The following KIF3A variants were observed in gnomAD, a reference collection of about 807,000 sequenced individuals.
The protein encoded by KIF3A is kinesin family member 3A.
A neutral mutation model predicts 92.6 loss-of-function variants in KIF3A; 27 were observed. The ratio of observed to expected loss-of-function variants is 0.29; its 90% CI spans 0.21 to 0.40. The LOEUF (loss-of-function observed/expected upper bound fraction) is 0.40, where lower values mean the gene tolerates loss of function less well. Ranked by LOEUF, KIF3A falls within the 10% of genes least tolerant of loss-of-function variation. The probability of loss-of-function intolerance (pLI) is 1.00; values close to 1 mark genes in which losing one functional copy is unlikely to be tolerated. For missense variants in KIF3A, 581 were observed against 872.6 expected, an observed-to-expected ratio of 0.67 and a Z score of 4.21; for synonymous variants, 250 against 275.4, an observed-to-expected ratio of 0.91 and a Z score of 0.92.
downstream of KIF3A, chr5:132,689,911 A>G (rs1752623046): frequency 6.6e-6 from 1 of 152,236 alleles, no homozygotes; most frequent in African/African-American, 2.4e-5. Context: ...ACCCCTACAA[A>G]AAACACATTT....
chr5:132,697,113 C>T (rs1430307949), intron 18 of KIF3A, among the ~76,000 whole-genome samples: 1 of 152,206 alleles, frequency 6.6e-6, no homozygotes, highest in Non-Finnish European at 1.5e-5. Context: ...GGAAATGCTA[C>T]ATTAATGTAT....
chr5:132,734,077 G>A (rs549229390), intron 2 of KIF3A, 128 bp downstream of exon 2: 2 of 768,908 alleles, frequency 2.6e-6, no homozygotes, highest in South Asian at 3.9e-5. Context: ...AAGCTGGATT[G>A]TGATGATGGT....
chr5:132,718,405 G>A (rs1753708319), intron 5 of KIF3A, among the ~76,000 whole-genome samples: 1 of 152,100 alleles, frequency 6.6e-6, no homozygotes, highest in South Asian at 2.1e-4. Context: ...CACCTCCCAG[G>A]TTCAAGTGAT....
At chr5:132,716,066 A>C in intron 7 of KIF3A, 135 bp from the exon 8 acceptor site, 1 of 844,068 alleles carries the variant, frequency 1.2e-6, no homozygotes, top group South Asian at 1.8e-5. Flanking sequence ...AGTGTCAACC[A>C]CATGAGTTTC....
rs200925076 is a variant in KIF3A, at chr5:132,698,729, AT to A, written c.2132+441del. Among the ~76,000 whole-genome samples, 1,125 of 132,128 alleles carry A rather than the reference AT, an allele frequency of 8.5e-3. 7 individuals carry two copies. The highest frequency in any genetic ancestry group is 0.01 in the African/African-American group (360 of 35,096). 86.7% of individuals were successfully genotyped at this position (132,128 alleles called of 152,430 possible). ...CAAATTCTAATACATAAGGAATTTG[AT>A]TTTTTTTTTTTTTTTTTGAGACCAA... On this transcript the variant is annotated intron_variant, in intron 18 of 18. Coordinates refer to ENST00000403231, the MANE Select transcript of KIF3A (RefSeq NM_001300791.2).
chr5:132,729,318 G>A (rs1224861555), intron 2 of KIF3A, among the ~76,000 whole-genome samples: 2 of 152,074 alleles, frequency 1.3e-5, no homozygotes, highest in African/African-American at 2.4e-5. Flanking sequence ...CAGACATGGT[G>A]GGATGCTCCT....
intron 2 of KIF3A, among the ~76,000 whole-genome samples, chr5:132,731,444 C>G (rs1166055734): frequency 1.3e-5 from 2 of 152,130 alleles, no homozygotes; most frequent in South Asian, 2.1e-4. Context: ...TGACAAAATC[C>G]AATATACAAT....
At chr5:132,703,714 C>T in intron 11 of KIF3A, 95 bp from the exon 12 acceptor site, 1 of 773,398 alleles carries the variant, frequency 1.3e-6, no homozygotes, top group South Asian at 2.0e-5. Context: ...GCCTACACTC[C>T]TCAATAATAC....
chr5:132,709,794 GGCTGTTT>G (rs1194404309), intron 9 of KIF3A, among the ~76,000 whole-genome samples: 2 of 152,160 alleles, frequency 1.3e-5, no homozygotes, highest in Non-Finnish European at 2.9e-5. Context: ...AAATGAGCAT[GGCTGTTT>G]TAATAAAATT....
intron 11 of KIF3A, among the ~76,000 whole-genome samples, chr5:132,704,024 C>G (rs942646325): frequency 6.6e-6 from 1 of 151,450 alleles, no homozygotes; most frequent in Non-Finnish European, 1.5e-5. Flanking sequence ...TAAAATCAAG[C>G]GACTCCTTAA....
chr5:132,718,615 T>G (rs748088916), intron 5 of KIF3A, among the ~76,000 whole-genome samples: 3 of 144,392 alleles, frequency 2.1e-5, no homozygotes, highest in South Asian at 4.2e-4. Flanking sequence ...CAGCTTGTTG[T>G]TTTTTTTGTT....
In KIF3A at chr5:132,702,128, G is replaced by T. The variant is rs1251207466; in HGVS notation, c.1843C>A (p.Gln615Lys). 6.2e-7 allele frequency: 1 copy of T among 1,613,792 alleles called. No individual in the cohort carries two copies. ...ATAAAGTTATCAATAATAAGCATCTGAAGTCGAAGCTCCCGGCTAAGTTGC... is the reference window on the plus strand; with the variant it reads ...ATAAAGTTATCAATAATAAGCATCTTAAGTCGAAGCTCCCGGCTAAGTTGC... ...IRQLSRELRL[Q>K]MLIIDNFIPR... The change falls in exon 15 of 19, where the codon CAG becomes AAG. Residue 615 changes from glutamine to lysine, a missense_variant. By Grantham distance (53) the Gln-to-Lys change is moderately conservative. This residue lies in a region of KIF3A where 112 missense variants were observed against 144.3 expected (regional missense o/e 0.78). Transcript: ENST00000403231.
At chr5:132,732,488 AATTGC>A (rs1486263690) in intron 2 of KIF3A, among the ~76,000 whole-genome samples, 2 of 152,220 alleles carry the variant, frequency 1.3e-5, no homozygotes, top group Non-Finnish European at 2.9e-5. Flanking sequence ...AAAAATAATG[AATTGC>A]TGGCCTAGTG....
At position 132,702,706 on chromosome 5, in the gene KIF3A, T is replaced by C. The variant is rs115953879; in HGVS notation, c.1648-38A>G. On this transcript the variant is annotated intron_variant, in intron 13 of 18. Transcript: ENST00000403231. ...TTAGTAAACTTCAGAATAAATTTCTTTGTAAAATCAAATATCTAATTCTTT... is the reference window on the plus strand; with the variant it reads ...TTAGTAAACTTCAGAATAAATTTCTCTGTAAAATCAAATATCTAATTCTTT... 3,725 of 1,461,282 alleles carry C rather than the reference T, an allele frequency of 2.5e-3. 91 individuals carry two copies. The African/African-American group carries it at 0.046, about 18-fold the overall frequency. 90.5% of individuals were successfully genotyped at this position (1,461,282 alleles called of 1,614,324 possible). A position where few individuals can be genotyped will look rare whatever the true frequency, so the allele number is the denominator to read the frequency against.
intron 4 of KIF3A, 71 bp from the exon 5 acceptor site, chr5:132,720,785 T>G: frequency 1.2e-6 from 1 of 825,256 alleles, no homozygotes; most frequent in Non-Finnish European, 2.0e-6. Context: ...ATCTCCTATG[T>G]GTTGGACACT....
At chr5:132,705,538 C>T (rs78162369) in intron 11 of KIF3A, among the ~76,000 whole-genome samples, 8,899 of 151,944 alleles carry the variant, frequency 0.059, 652 homozygotes, top group East Asian at 0.22. Flanking sequence ...TGTGGAAATA[C>T]AAAGACACAT....
rs1753322198 is a variant in KIF3A, at chr5:132,708,981, G to GA, written c.1229-4_1229-3insT. 4 of 1,548,002 alleles carry GA rather than the reference G, an allele frequency of 2.6e-6. No individual in the cohort carries two copies. Among genetic ancestry groups the GA allele is most frequent in the Non-Finnish European group, 3.5e-6 (4 of 1,145,124 alleles). On this transcript the variant is annotated splice_polypyrimidine_tract_variant and splice_region_variant and intron_variant, in intron 9 of 18. Coordinates refer to ENST00000403231, the MANE Select transcript of KIF3A (RefSeq NM_001300791.2). ...TGAACTACTGCTGCTGCTACTGCCT[G>GA]GAAAACAAAGAAATGAGCCCAACAG...
At chr5:132,736,549 G>C (rs555116211) in intron 1 of KIF3A, among the ~76,000 whole-genome samples, 4 of 152,184 alleles carry the variant, frequency 2.6e-5, no homozygotes, top group Non-Finnish European at 5.9e-5. Context: ...TGTATCTTCA[G>C]GGCCTAGCAT....
intron 5 of KIF3A, 75 bp downstream of exon 5, chr5:132,720,534 T>C (rs1439853091): frequency 2.5e-6 from 2 of 805,030 alleles, no homozygotes; most frequent in Non-Finnish European, 4.1e-6. Context: ...CAGGGTAAAG[T>C]GCCATACCAA....
Sources: allele counts gnomAD v4.1 joint callset (sites outside exome capture counted in the v4.1 genomes callset), GRCh38; gene constraint gnomAD v4.1.1; regional missense constraint gnomAD v4.1.1; transcripts MANE v1.5; gene names NCBI Gene and HGNC (gene_info 2026-07-23, HGNC 2026-07-21).